ROR2: variants seen among roughly 807,000 people sequenced by gnomAD.
ROR2 encodes the protein tyrosine-protein kinase transmembrane receptor ROR2.
Under a neutral mutation model 74.9 loss-of-function variants are expected in ROR2, and 33 were observed. That is an observed-to-expected ratio of 0.44 (90% confidence interval 0.33 to 0.59). ROR2 has a LOEUF of 0.59. Ranked by LOEUF, ROR2 falls within the 20% of genes least tolerant of loss-of-function variation. The pLI is 0.02. For missense variants in ROR2, 1,216 were observed against 1,313.8 expected (o/e 0.93, Z 1.15); for synonymous variants, 586 against 558.7 (o/e 1.05, Z -0.69).
intron 4 of ROR2, among the ~76,000 whole-genome samples, chr9:91,744,995 G>A (rs149710397): frequency 3.3e-4 from 51 of 152,280 alleles, no homozygotes; most frequent in African/African-American, 1.2e-3. Context: ...CCACGGGCTC[G>A]GGTGGAAACA....
At chr9:91,786,322 G>GCCAA (rs1826800534) in intron 1 of ROR2, among the ~76,000 whole-genome samples, 2 of 147,804 alleles carry the variant, frequency 1.4e-5, no homozygotes, top group African/African-American at 2.5e-5. Context: ...GCAAGACTCT[G>GCCAA]TCAATCAATC....
chr9:91,904,565 G>T (rs1453779365), intron 1 of ROR2, among the ~76,000 whole-genome samples: 2 of 152,220 alleles, frequency 1.3e-5, no homozygotes, highest in African/African-American at 4.8e-5. Flanking sequence ...GTGGAGCAAG[G>T]AAGTGGAATC....
At chr9:91,906,074 G>A (rs1476486775) in intron 1 of ROR2, among the ~76,000 whole-genome samples, 1 of 151,640 alleles carries the variant, frequency 6.6e-6, no homozygotes, top group Non-Finnish European at 1.5e-5. Context: ...GTTAAACTCA[G>A]AGGGTTTTTA....
At chr9:91,949,100 C>T (rs1290405552) in intron 1 of ROR2, among the ~76,000 whole-genome samples, 3 of 150,878 alleles carry the variant, frequency 2.0e-5, no homozygotes, top group African/African-American at 4.9e-5. Flanking sequence ...CGCCGCCAGC[C>T]TCCTACAGGT....
chr9:91,844,375 G>C (rs141817467), intron 1 of ROR2, among the ~76,000 whole-genome samples: 66 of 152,128 alleles, frequency 4.3e-4, no homozygotes, highest in Middle Eastern at 3.4e-3. Context: ...ACCTTCCACA[G>C]ACCAGCGCTT....
chr9:91,911,235 G>A (rs184092366), intron 1 of ROR2, among the ~76,000 whole-genome samples: 1 of 152,296 alleles, frequency 6.6e-6, no homozygotes, highest in East Asian at 1.9e-4. Context: ...TGTCCCCTAA[G>A]GACAGGGATA....
intron 1 of ROR2, among the ~76,000 whole-genome samples, chr9:91,783,220 C>T (rs1022834160): frequency 2.6e-5 from 4 of 152,140 alleles, no homozygotes; most frequent in Non-Finnish European, 4.4e-5. Context: ...TGTAAAAACC[C>T]GATCTCCAAA....
At chr9:91,942,793 AG>A in intron 1 of ROR2, among the ~76,000 whole-genome samples, 1 of 152,304 alleles carries the variant, frequency 6.6e-6, no homozygotes, top group East Asian at 1.9e-4. Flanking sequence ...CTCCAAACCA[AG>A]GGCACCATGA....
At chr9:91,888,823 G>A (rs1004739203) in intron 1 of ROR2, among the ~76,000 whole-genome samples, 14 of 152,198 alleles carry the variant, frequency 9.2e-5, no homozygotes, top group African/African-American at 3.4e-4. Flanking sequence ...TGCACGGGAA[G>A]CAATGTCCTT....
chr9:91,909,847 G>GT (rs71362365), intron 1 of ROR2, among the ~76,000 whole-genome samples: 9,646 of 53,316 alleles, frequency 0.18, 1,634 homozygotes, highest in Non-Finnish European at 0.24. Flanking sequence ...GGTTTGTTTT[G>GT]TTTTTTTTTT....
intron 1 of ROR2, among the ~76,000 whole-genome samples, chr9:91,813,675 G>C (rs917782138): frequency 6.6e-6 from 1 of 152,198 alleles, no homozygotes; most frequent in South Asian, 2.1e-4. Context: ...GAAGATTCCA[G>C]CGTGTCCCAT....
At chr9:91,778,479 AG>A in intron 1 of ROR2, among the ~76,000 whole-genome samples, 1 of 152,194 alleles carries the variant, frequency 6.6e-6, no homozygotes, top group South Asian at 2.1e-4. Flanking sequence ...CACCCCAGCT[AG>A]ATGATGAGCT....
At chr9:91,875,910 G>C (rs1178598035) in intron 1 of ROR2, among the ~76,000 whole-genome samples, 1 of 152,114 alleles carries the variant, frequency 6.6e-6, no homozygotes, top group Non-Finnish European at 1.5e-5. Flanking sequence ...AAAGCAAGGT[G>C]GGGTAACAAA....
chr9:91,826,461 T>C lies in ROR2; in HGVS notation c.98-50643A>G, dbSNP rs549676474. ...TCCTGCCATTGTACCAGCATAACTA[T>C]GCAGAAATCAGTGGTTAGTTACTGG... On this transcript the variant is annotated intron_variant, in intron 1 of 8. Coordinates refer to ENST00000375708, the MANE Select transcript of ROR2 (RefSeq NM_004560.4). 1.8e-3 allele frequency among the ~76,000 whole-genome samples: 280 copies of C among 152,320 alleles called. 1 individual carries two copies. Among genetic ancestry groups the C allele is most frequent in the Admixed American group, 4.2e-3 (65 of 15,296 alleles).
intron 1 of ROR2, among the ~76,000 whole-genome samples, chr9:91,893,132 C>G (rs1464583875): frequency 6.6e-6 from 1 of 152,162 alleles, no homozygotes; most frequent in African/African-American, 2.4e-5. Context: ...ATGCCTGGCA[C>G]TGGAAGATAC....
chr9:91,909,831 TTTTTAGGTTTGTTTTG>T (rs1564032167), intron 1 of ROR2, among the ~76,000 whole-genome samples: 15 of 144,622 alleles, frequency 1.0e-4, no homozygotes, highest in African/African-American at 3.8e-4. Context: ...TTCTTTTTTT[TTTTTAGGTTTGTTTTG>T]TTTTTTTTTT....
intron 1 of ROR2, among the ~76,000 whole-genome samples, chr9:91,857,532 C>T (rs1304435409): frequency 6.6e-6 from 1 of 152,182 alleles, no homozygotes; most frequent in East Asian, 1.9e-4. Flanking sequence ...TCGCAGGCAC[C>T]ATGAGAAAAA....
chr9:91,758,167 T>C (rs1478642683), intron 2 of ROR2, among the ~76,000 whole-genome samples: 2 of 152,208 alleles, frequency 1.3e-5, no homozygotes, highest in Non-Finnish European at 2.9e-5. Context: ...TAGCCCCAGC[T>C]GGGACACAAA....
intron 1 of ROR2, among the ~76,000 whole-genome samples, chr9:91,939,807 T>A (rs956344950): frequency 6.6e-6 from 1 of 152,204 alleles, no homozygotes; most frequent in Non-Finnish European, 1.5e-5. Flanking sequence ...GTGTTCTGAG[T>A]ACAGTGGAGA....
Sources: allele counts gnomAD v4.1 joint callset (sites outside exome capture counted in the v4.1 genomes callset), GRCh38; gene constraint gnomAD v4.1.1; transcripts MANE v1.5; gene names NCBI Gene and HGNC (gene_info 2026-07-23, HGNC 2026-07-21).